FGF12: variants seen among roughly 807,000 people sequenced by gnomAD.
The protein encoded by FGF12 is fibroblast growth factor 12B.
FGF12 carries 14 observed loss-of-function variants against 23.6 expected under a neutral mutation model. That is an observed-to-expected ratio of 0.59 (90% confidence interval 0.39 to 0.93). FGF12 has a LOEUF of 0.93. Ranked by LOEUF, FGF12 falls within the 40% of genes least tolerant of loss-of-function variation. The probability of loss-of-function intolerance (pLI) is 0.00; values close to 1 mark genes in which losing one functional copy is unlikely to be tolerated. For synonymous variants in FGF12, 62 were observed against 77.3 expected (o/e 0.80, Z 1.04); for missense variants, 175 against 217.8 (o/e 0.80, Z 1.24).
chr3:192,386,994 T>C (rs1681090712), intron 2 of FGF12, among the ~76,000 whole-genome samples: 1 of 152,196 alleles, frequency 6.6e-6, no homozygotes, highest in South Asian at 2.1e-4. Context: ...AATATGAATA[T>C]CTCTATACAT....
chr3:192,196,615 T>G (rs2108655632), intron 4 of FGF12, among the ~76,000 whole-genome samples: 1 of 152,284 alleles, frequency 6.6e-6, no homozygotes, highest in South Asian at 2.1e-4. Context: ...GTAAAGAATG[T>G]GAAATGTAGA....
chr3:192,597,347 T>C (rs1179210469), intron 2 of FGF12, among the ~76,000 whole-genome samples: 1 of 152,198 alleles, frequency 6.6e-6, no homozygotes, highest in African/African-American at 2.4e-5. Context: ...ATTATTGCAA[T>C]ACTAATACAG....
At chr3:192,584,181 T>C (rs1301402572) in intron 2 of FGF12, among the ~76,000 whole-genome samples, 1 of 152,196 alleles carries the variant, frequency 6.6e-6, no homozygotes, top group Admixed American at 6.5e-5. Flanking sequence ...CCTTAGTAAT[T>C]ACTGTTTCTT....
In FGF12 at chr3:192,404,829, T is replaced by C. The variant is rs557298880; in HGVS notation, c.14-44291A>G. Among the ~76,000 whole-genome samples, 13 of 152,324 alleles carry C rather than the reference T, an allele frequency of 8.5e-5. No homozygotes were observed. In the South Asian group the frequency reaches 2.1e-3, roughly 24 times the overall value. ...CTTCAATAATGCTATACGGTGGTCA[T>C]TGCTGAAGTCCAATGGCCTCCTTAG... On this transcript the variant is annotated intron_variant, in intron 2 of 5. Transcript: ENST00000445105.
chr3:192,293,710 T>C (rs1224474474), intron 4 of FGF12, among the ~76,000 whole-genome samples: 1 of 152,208 alleles, frequency 6.6e-6, no homozygotes, highest in Non-Finnish European at 1.5e-5. Flanking sequence ...TTTTCTAATA[T>C]ATATTCAACA....
intron 2 of FGF12, among the ~76,000 whole-genome samples, chr3:192,525,008 ACT>A (rs1381076599): frequency 6.6e-6 from 1 of 151,850 alleles, no homozygotes; most frequent in Non-Finnish European, 1.5e-5. Flanking sequence ...ATTTCAAGAA[ACT>A]CTTCCTCATC....
chr3:192,159,807 C>A (rs114683199), intron 5 of FGF12, among the ~76,000 whole-genome samples: 2,112 of 152,252 alleles, frequency 0.014, 45 homozygotes, highest in African/African-American at 0.047. Flanking sequence ...GATGTTGCTA[C>A]ATATCCTCCA....
At chr3:192,654,938 A>G (rs5011664) in intron 2 of FGF12, among the ~76,000 whole-genome samples, 68,098 of 151,930 alleles carry the variant, frequency 0.45, 15,726 homozygotes, top group East Asian at 0.52. Context: ...CACATTTTTT[A>G]CTTTTCAGAG....
chr3:192,180,716 T>G (rs1217058216), intron 4 of FGF12, among the ~76,000 whole-genome samples: 2 of 152,228 alleles, frequency 1.3e-5, no homozygotes, highest in African/African-American at 4.8e-5. Flanking sequence ...TCAACTCCCA[T>G]GAAGTCAAAC....
At chr3:192,497,988 T>C (rs1724012728) in intron 2 of FGF12, among the ~76,000 whole-genome samples, 1 of 74,974 alleles carries the variant, frequency 1.3e-5, no homozygotes, top group African/African-American at 4.0e-5. Context: ...AATAAATGAA[T>C]GAAGGAATAA....
chr3:192,656,513 C>T (rs906181682), intron 2 of FGF12, among the ~76,000 whole-genome samples: 1 of 152,050 alleles, frequency 6.6e-6, no homozygotes, highest in African/African-American at 2.4e-5. Flanking sequence ...TTGAGCAATG[C>T]CTATATCTCT....
chr3:192,452,722 G>T (rs1280653730), intron 2 of FGF12, among the ~76,000 whole-genome samples: 1 of 152,186 alleles, frequency 6.6e-6, no homozygotes, highest in Non-Finnish European at 1.5e-5. Context: ...ATCCTTGTCC[G>T]TGATTGTGTC....
At chr3:192,497,652 T>C (rs1427435614) in intron 2 of FGF12, among the ~76,000 whole-genome samples, 1 of 152,196 alleles carries the variant, frequency 6.6e-6, no homozygotes, top group Admixed American at 6.5e-5. Flanking sequence ...TTCAGGACTT[T>C]TCCACCTGCT....
intron 5 of FGF12, among the ~76,000 whole-genome samples, chr3:192,155,303 C>A (rs950219909): frequency 6.6e-6 from 1 of 152,124 alleles, no homozygotes; most frequent in Admixed American, 6.5e-5. Context: ...AGCTGTAGAC[C>A]GGAGCTGTTC....
At chr3:192,149,417 A>C (rs1713918835) in intron 5 of FGF12, among the ~76,000 whole-genome samples, 2 of 133,258 alleles carry the variant, frequency 1.5e-5, no homozygotes, top group African/African-American at 2.8e-5. Flanking sequence ...GCACCCACTA[A>C]CTCGTCATCT....
chr3:192,392,307 G>C (rs947185536), intron 2 of FGF12, among the ~76,000 whole-genome samples: 1 of 151,938 alleles, frequency 6.6e-6, no homozygotes, highest in African/African-American at 2.4e-5. Flanking sequence ...AGTGGCTCAC[G>C]CCTGTAATCC....
chr3:192,146,805 T>C (rs987247410), intron 5 of FGF12, among the ~76,000 whole-genome samples: 1 of 152,140 alleles, frequency 6.6e-6, no homozygotes, highest in Non-Finnish European at 1.5e-5. Context: ...CTGCTGGCCA[T>C]CCTTATATTG....
intron 4 of FGF12, among the ~76,000 whole-genome samples, chr3:192,209,081 C>T (rs1437730053): frequency 2.6e-5 from 4 of 152,112 alleles, no homozygotes; most frequent in East Asian, 1.9e-4. Flanking sequence ...TTCCTTGTAG[C>T]TATATGTAGT....
intron 2 of FGF12, among the ~76,000 whole-genome samples, chr3:192,413,764 A>G (rs1027505965): frequency 1.2e-4 from 19 of 152,344 alleles, no homozygotes; most frequent in Admixed American, 4.6e-4. Context: ...CTCATACATC[A>G]TCTTGCTCTG....
Sources: gnomAD v4.1 joint callset for allele counts (sites outside exome capture counted in the v4.1 genomes callset) on GRCh38, gnomAD v4.1.1 for gene constraint, MANE v1.5 for transcripts, NCBI Gene and HGNC (gene_info 2026-07-23, HGNC 2026-07-21) for gene names.